Variants in ARL6 observed in about 807,000 individuals in gnomAD.
ARL6 encodes ADP-ribosylation factor-like protein 6.
In ARL6, 18 loss-of-function variants were observed where a neutral mutation model predicts 27.1. That is an observed-to-expected ratio of 0.66 (90% CI 0.46 to 0.98). The LOEUF (loss-of-function observed/expected upper bound fraction) is 0.98. Among genes scored for constraint, ARL6 ranks in the 50% least tolerant of loss-of-function variants. The probability of loss-of-function intolerance (pLI) is 0.00; values close to 1 mark genes in which losing one functional copy is unlikely to be tolerated. For synonymous variants in ARL6, 65 were observed against 72.3 expected (o/e 0.90, Z 0.51); for missense variants, 187 against 214.9 (o/e 0.87, Z 0.81).
Position 97,772,807 on chromosome 3 carries a change from G to A in ARL6, c.123+4577G>A, listed in dbSNP as rs1055606262. ...CTGCTAATTTTGTATTTTTAGTAGAGATGGGGTTTCTCCATGTTGGTCAGG... is the reference window on the plus strand; with the variant it reads ...CTGCTAATTTTGTATTTTTAGTAGAAATGGGGTTTCTCCATGTTGGTCAGG... On this transcript the variant is annotated intron_variant, in intron 2 of 7. Coordinates refer to ENST00000463745, the MANE Select transcript of ARL6 (RefSeq NM_001278293.3). Among the ~76,000 whole-genome samples, 3 of 152,040 alleles carry A rather than the reference G, an allele frequency of 2.0e-5. No individual in the cohort carries two copies. In the South Asian group the frequency reaches 6.2e-4, roughly 32 times the overall value.
intron 6 of ARL6, among the ~76,000 whole-genome samples, chr3:97,789,546 G>A (rs2037622802): frequency 6.6e-6 from 1 of 151,924 alleles, no homozygotes; most frequent in Non-Finnish European, 1.5e-5. Context: ...TTCTCTGTGA[G>A]AAAAAAAGTA....
intron 1 of ARL6, among the ~76,000 whole-genome samples, chr3:97,766,346 T>A (rs972241969): frequency 1.3e-5 from 2 of 152,190 alleles, no homozygotes; most frequent in Non-Finnish European, 2.9e-5. Flanking sequence ...TAAAATAGAT[T>A]TTACAAATGC....
chr3:97,778,350 A>G (rs190781388), intron 2 of ARL6, among the ~76,000 whole-genome samples: 4 of 152,308 alleles, frequency 2.6e-5, no homozygotes, highest in Admixed American at 2.6e-4. Context: ...AGCTAAGTAA[A>G]CAAACTTCAG....
chr3:97,775,524 G>A (rs2036853656), intron 2 of ARL6, among the ~76,000 whole-genome samples: 1 of 152,012 alleles, frequency 6.6e-6, no homozygotes, highest in Non-Finnish European at 1.5e-5. Context: ...TTCCCACCCA[G>A]ATTAAGGTGA....
At chr3:97,769,982 G>T (rs912848061) in intron 2 of ARL6, among the ~76,000 whole-genome samples, 22 of 152,130 alleles carry the variant, frequency 1.4e-4, no homozygotes, top group African/African-American at 5.3e-4. Context: ...GTGAATAGTG[G>T]TGCTATAAAC....
At chr3:97,783,122 A>C (rs1306636376) in intron 4 of ARL6, among the ~76,000 whole-genome samples, 2 of 151,516 alleles carry the variant, frequency 1.3e-5, no homozygotes, top group Non-Finnish European at 3.0e-5. Flanking sequence ...CAAAAATATA[A>C]GGAGTACACA....
intron 5 of ARL6, among the ~76,000 whole-genome samples, chr3:97,786,297 A>G (rs2037455570): frequency 6.6e-6 from 1 of 151,960 alleles, no homozygotes; most frequent in Admixed American, 6.6e-5. Flanking sequence ...GTGAACTGAG[A>G]TAGCACCACT....
At chr3:97,784,015 A>C (rs2037326210) in intron 4 of ARL6, among the ~76,000 whole-genome samples, 1 of 151,918 alleles carries the variant, frequency 6.6e-6, no homozygotes, top group Non-Finnish European at 1.5e-5. Context: ...ATGTAGTCTT[A>C]GAAATGTTAC....
In ARL6 at chr3:97,798,361, G is replaced by T. The variant is rs895664671; in HGVS notation, c.*312G>T. On this transcript the variant is annotated 3_prime_UTR_variant, in exon 8 of 8. Coordinates refer to ENST00000463745, the MANE Select transcript of ARL6 (RefSeq NM_001278293.3). ...CTCATCCCATCATAATTTATGATAT[G>T]TTTAATATATTTTATTTTTTAATTG... The T allele has an allele frequency of 1.5e-5, 3 of 206,866 alleles. No individual in the cohort carries two copies. The highest frequency in any genetic ancestry group is 2.9e-5 in the Non-Finnish European group (3 of 103,606). 12.8% of individuals were successfully genotyped at this position (206,866 alleles called of 1,614,324 possible). A position where few individuals can be genotyped will look rare whatever the true frequency, so the allele number is the denominator to read the frequency against.
chr3:97,775,495 C>G (rs1474230243), intron 2 of ARL6, among the ~76,000 whole-genome samples: 2 of 152,006 alleles, frequency 1.3e-5, no homozygotes, highest in African/African-American at 2.4e-5. Flanking sequence ...TCTGGCCACA[C>G]TGGCAGCTGA....
At chr3:97,796,420 C>T (rs1483951341) in intron 7 of ARL6, among the ~76,000 whole-genome samples, 1 of 151,720 alleles carries the variant, frequency 6.6e-6, no homozygotes, top group African/African-American at 2.4e-5. Flanking sequence ...TAGAGGCAAA[C>T]TCCCAGAAAG....
chr3:97,789,255 T>C (rs2037608245), intron 6 of ARL6, among the ~76,000 whole-genome samples: 2 of 152,082 alleles, frequency 1.3e-5, no homozygotes, highest in Admixed American at 1.3e-4. Flanking sequence ...TGAGTTGGAA[T>C]TTGGGTCCTG....
intron 7 of ARL6, 160 bp downstream of exon 7, chr3:97,791,986 T>TC: frequency 1.6e-6 from 1 of 629,046 alleles, no homozygotes; most frequent in Non-Finnish European, 2.7e-6. Flanking sequence ...AATACCTTGT[T>TC]CCATTTACTT....
intron 1 of ARL6, chr3:97,766,525 G>C (rs1394762067): frequency 6.6e-6 from 1 of 152,214 alleles, no homozygotes; most frequent in African/African-American, 2.4e-5. Flanking sequence ...GCATGGCACT[G>C]TTCCATCTCT....
chr3:97,789,090 A>G (rs2037599998), intron 6 of ARL6, among the ~76,000 whole-genome samples: 1 of 152,180 alleles, frequency 6.6e-6, no homozygotes, highest in East Asian at 1.9e-4. Flanking sequence ...TTTGGCGCTG[A>G]AAGAGTAATA....
intron 6 of ARL6, among the ~76,000 whole-genome samples, chr3:97,789,257 TG>T (rs1353738554): frequency 2.0e-5 from 3 of 152,146 alleles, no homozygotes; most frequent in South Asian, 2.1e-4. Context: ...AGTTGGAATT[TG>T]GGTCCTGTGG....
Position 97,798,112 on chromosome 3 carries a change from A to C in ARL6, c.*63A>C, listed in dbSNP as rs769233526. ...AAGGAATCTATCTAAGACAAATAGA[A>C]TACATTTTGTAAAAGATGTTTATGC... On this transcript the variant is annotated 3_prime_UTR_variant, in exon 8 of 8. Coordinates refer to ENST00000463745, the MANE Select transcript of ARL6 (RefSeq NM_001278293.3). 1.8e-5 allele frequency: 27 copies of C among 1,515,090 alleles called. No homozygotes were observed. The Middle Eastern group carries it at 5.1e-4, about 29-fold the overall frequency. 93.9% of individuals were successfully genotyped at this position (1,515,090 alleles called of 1,614,324 possible). A position where few individuals can be genotyped will look rare whatever the true frequency, so the allele number is the denominator to read the frequency against.
chr3:97,773,495 T>A (rs1481479920), intron 2 of ARL6, among the ~76,000 whole-genome samples: 1 of 151,954 alleles, frequency 6.6e-6, no homozygotes, highest in East Asian at 1.9e-4. Flanking sequence ...TCAATACACA[T>A]CTCCTGAGAT....
intron 2 of ARL6, among the ~76,000 whole-genome samples, chr3:97,776,733 T>G (rs1177161362): frequency 1.3e-5 from 2 of 152,172 alleles, no homozygotes; most frequent in Non-Finnish European, 2.9e-5. Context: ...CTTGGCTCAT[T>G]GCAACCTCCA....
Sources: allele counts gnomAD v4.1 joint callset (sites outside exome capture counted in the v4.1 genomes callset), GRCh38; gene constraint gnomAD v4.1.1; transcripts MANE v1.5; gene names NCBI Gene and HGNC (gene_info 2026-07-23, HGNC 2026-07-21).